Variants in TAFA2 observed in about 807,000 individuals in gnomAD.
The protein encoded by TAFA2 is chemokine-like protein TAFA-2.
Under a neutral mutation model 18.8 loss-of-function variants are expected in TAFA2, and 7 were observed. That is an observed-to-expected ratio of 0.37 (90% confidence interval 0.21 to 0.70). The LOEUF (loss-of-function observed/expected upper bound fraction) is 0.70, where lower values mean the gene tolerates loss of function less well. TAFA2 is among the 30% of genes least tolerant of loss of function. The pLI is 0.53. For synonymous variants in TAFA2, 60 were observed against 54.2 expected (o/e 1.11, Z -0.47); for missense variants, 122 against 158.1 (o/e 0.77, Z 1.23).
At position 62,137,901 on chromosome 12, in the gene TAFA2, A is replaced by G. The variant is rs60496740; in HGVS notation, c.-2+53358T>C. Among the ~76,000 whole-genome samples the G allele has an allele frequency of 6.8e-3, 1,028 of 152,164 alleles. 16 individuals carry two copies. The highest frequency in any genetic ancestry group is 0.024 in the African/African-American group (1,002 of 41,520). ...GCCTTATGAAAGCCTACAAAGTCCA[A>G]TTTCATCAGGTCTCAGACCTGCCTC... On this transcript the variant is annotated intron_variant, in intron 1 of 4. Transcript: ENST00000416284.
At chr12:62,038,023 G>A (rs986951091) in intron 1 of TAFA2, among the ~76,000 whole-genome samples, 1 of 152,136 alleles carries the variant, frequency 6.6e-6, no homozygotes, top group Non-Finnish European at 1.5e-5. Context: ...TGTACTGTAT[G>A]ATCTCACATG....
At chr12:61,864,867 T>C (rs1874286505) in intron 2 of TAFA2, among the ~76,000 whole-genome samples, 1 of 151,814 alleles carries the variant, frequency 6.6e-6, no homozygotes, top group Non-Finnish European at 1.5e-5. Flanking sequence ...GAGTTTCTAA[T>C]ATTCATCTGT....
intron 1 of TAFA2, among the ~76,000 whole-genome samples, chr12:61,955,632 A>ATATATTT (rs1434243909): frequency 1.9e-4 from 8 of 41,208 alleles, no homozygotes; most frequent in Non-Finnish European, 2.3e-4. Context: ...AAAAAAAAAA[A>ATATATTT]ATATATATAT....
intron 1 of TAFA2, among the ~76,000 whole-genome samples, chr12:62,255,762 G>A (rs757979706): frequency 2.0e-5 from 3 of 152,206 alleles, no homozygotes; most frequent in East Asian, 3.9e-4. Context: ...GCTGAGGCAC[G>A]AGAATCTCTT....
intron 1 of TAFA2, among the ~76,000 whole-genome samples, chr12:62,102,259 A>G (rs562074509): frequency 6.6e-6 from 1 of 152,332 alleles, no homozygotes; most frequent in South Asian, 2.1e-4. Flanking sequence ...GGGTTCAGGT[A>G]GAAACTATTG....
chr12:61,825,476 TGAG>T (rs1330283835), intron 2 of TAFA2, among the ~76,000 whole-genome samples: 1 of 152,042 alleles, frequency 6.6e-6, no homozygotes, highest in African/African-American at 2.4e-5. Flanking sequence ...ACAGGGTATT[TGAG>T]GAGGAGAAAG....
intron 1 of TAFA2, among the ~76,000 whole-genome samples, chr12:62,029,493 G>T (rs1377080902): frequency 6.6e-6 from 1 of 152,152 alleles, no homozygotes; most frequent in Non-Finnish European, 1.5e-5. Context: ...CTAGTAAACA[G>T]CACAGTATAC....
At chr12:62,225,843 A>G (rs931170410) in intron 1 of TAFA2, among the ~76,000 whole-genome samples, 9 of 152,352 alleles carry the variant, frequency 5.9e-5, no homozygotes, top group African/African-American at 2.2e-4. Flanking sequence ...AAGCATAGAG[A>G]AACAGGCAGT....
chr12:61,756,700 G>C (rs1368281512), intron 2 of TAFA2, among the ~76,000 whole-genome samples: 1 of 151,850 alleles, frequency 6.6e-6, no homozygotes, highest in Non-Finnish European at 1.5e-5. Context: ...AAATACAGTA[G>C]AGTAGAGTAG....
At chr12:62,167,125 T>C (rs1251995361) in intron 1 of TAFA2, among the ~76,000 whole-genome samples, 2 of 152,122 alleles carry the variant, frequency 1.3e-5, no homozygotes, top group Non-Finnish European at 1.5e-5. Context: ...ATCTAAGGTA[T>C]TGGACATAAA....
At chr12:61,893,346 A>G (rs1201826942) in intron 1 of TAFA2, among the ~76,000 whole-genome samples, 1 of 152,214 alleles carries the variant, frequency 6.6e-6, no homozygotes, top group African/African-American at 2.4e-5. Flanking sequence ...ATAAAGAGAT[A>G]AAGAAGTGAA....
At chr12:62,054,611 G>C (rs1592308091) in intron 1 of TAFA2, among the ~76,000 whole-genome samples, 1 of 152,162 alleles carries the variant, frequency 6.6e-6, no homozygotes, top group African/African-American at 2.4e-5. Flanking sequence ...CATAAACTTT[G>C]AATAAAAATG....
intron 1 of TAFA2, among the ~76,000 whole-genome samples, chr12:62,175,231 A>G (rs982685639): frequency 8.5e-5 from 13 of 152,154 alleles, no homozygotes; most frequent in African/African-American, 3.1e-4. Context: ...AAAGCTGACA[A>G]AGATTACATG....
At position 62,192,610 on chromosome 12, in the gene TAFA2, G is replaced by A. The variant is rs2136963065; in HGVS notation, c.-1353C>T. The A allele has an allele frequency of 6.6e-6, 1 of 152,544 alleles. No homozygotes were observed. Among genetic ancestry groups the A allele is most frequent in the East Asian group, 1.9e-4 (1 of 5,180 alleles). The allele number at this position is 152,544 out of a possible 1,614,324, so 9.4% of individuals were successfully genotyped here. A position where few individuals can be genotyped will look rare whatever the true frequency, so the allele number is the denominator to read the frequency against. ...TCCACCCAGCCTGGCTGTCCAGTGA[G>A]TACAGAGTGACTTGGCTCCCCCGTA... On this transcript the variant is annotated 5_prime_UTR_variant, in exon 1 of 5. Transcript: ENST00000416284.
At chr12:62,213,407 G>A (rs2062721816) in intron 1 of TAFA2, among the ~76,000 whole-genome samples, 1 of 152,132 alleles carries the variant, frequency 6.6e-6, no homozygotes, top group Non-Finnish European at 1.5e-5. Flanking sequence ...CATTTTGGGA[G>A]GCCGAGGTGG....
At chr12:62,083,782 A>C (rs1868360150) in intron 1 of TAFA2, among the ~76,000 whole-genome samples, 1 of 152,158 alleles carries the variant, frequency 6.6e-6, no homozygotes, top group African/African-American at 2.4e-5. Flanking sequence ...GAGTATCTTT[A>C]GTGTATTGGA....
At chr12:61,759,715 G>C (rs1196665381) in intron 2 of TAFA2, among the ~76,000 whole-genome samples, 1 of 151,996 alleles carries the variant, frequency 6.6e-6, no homozygotes, top group East Asian at 1.9e-4. Flanking sequence ...ATAAGTCAGG[G>C]AAGCATGATA....
intron 1 of TAFA2, among the ~76,000 whole-genome samples, chr12:62,021,181 C>CAAG (rs1158436884): frequency 6.6e-6 from 1 of 152,174 alleles, no homozygotes; most frequent in African/African-American, 2.4e-5. Context: ...ATGATAAGTA[C>CAAG]TATGGTACAA....
intron 1 of TAFA2, among the ~76,000 whole-genome samples, chr12:62,079,931 A>T (rs529221059): frequency 7.9e-5 from 12 of 152,344 alleles, no homozygotes; most frequent in African/African-American, 2.2e-4. Context: ...ATTAGCTCAC[A>T]GTTCTACAGG....
Sources: gnomAD v4.1 joint callset for allele counts (sites outside exome capture counted in the v4.1 genomes callset) on GRCh38, gnomAD v4.1.1 for gene constraint, MANE v1.5 for transcripts, NCBI Gene and HGNC (gene_info 2026-07-23, HGNC 2026-07-21) for gene names.